The following PPARGC1A variants were observed in gnomAD, a reference collection of about 807,000 sequenced individuals.
PPARGC1A encodes PPARG coactivator 1 alpha.
A neutral mutation model predicts 88.7 loss-of-function variants in PPARGC1A; 25 were observed. The observed-to-expected ratio is 0.28, with a 90% CI of 0.21 to 0.39. The LOEUF (loss-of-function observed/expected upper bound fraction) is 0.39. Among genes scored for constraint, PPARGC1A ranks in the 10% least tolerant of loss-of-function variants. The pLI is 1.00. For missense variants in PPARGC1A, 880 were observed against 968.7 expected, an observed-to-expected ratio of 0.91 and a Z score of 1.22; for synonymous variants, 363 against 355.6, an observed-to-expected ratio of 1.02 and a Z score of -0.24.
intron 2 of PPARGC1A, among the ~76,000 whole-genome samples, chr4:23,840,780 T>G (rs1432686566): frequency 6.6e-6 from 1 of 152,172 alleles, no homozygotes; most frequent in Admixed American, 6.5e-5. Context: ...ATATGGATTT[T>G]CATTCTTCTT....
the PPARGC1A span, among the ~76,000 whole-genome samples, chr4:24,191,337 T>A: frequency 6.6e-6 from 1 of 152,084 alleles, no homozygotes; most frequent in Non-Finnish European, 1.5e-5. Flanking sequence ...TTAACTAGAG[T>A]CCTGCTGTGC....
chr4:24,429,841 G>A, the PPARGC1A span, among the ~76,000 whole-genome samples: 2 of 151,872 alleles, frequency 1.3e-5, no homozygotes, highest in African/African-American at 2.4e-5. Context: ...TGTAGAGATG[G>A]GGTTTCACCA....
At chr4:23,921,162 T>C in the PPARGC1A span, among the ~76,000 whole-genome samples, 1 of 151,980 alleles carries the variant, frequency 6.6e-6, no homozygotes, top group African/African-American at 2.4e-5. Flanking sequence ...TTCTGAGGAA[T>C]GGGGCTGACT....
chr4:24,453,962 A>G, the PPARGC1A span, among the ~76,000 whole-genome samples: 1 of 152,038 alleles, frequency 6.6e-6, no homozygotes, highest in Admixed American at 6.5e-5. Context: ...CAATAGAACA[A>G]AATAGAAGTG....
At chr4:24,247,480 T>A in the PPARGC1A span, among the ~76,000 whole-genome samples, 1 of 152,174 alleles carries the variant, frequency 6.6e-6, no homozygotes, top group South Asian at 2.1e-4. Flanking sequence ...CAGCTTATCA[T>A]CATTATGATG....
the PPARGC1A span, among the ~76,000 whole-genome samples, chr4:24,396,422 T>C: frequency 6.6e-6 from 1 of 152,122 alleles, no homozygotes; most frequent in Non-Finnish European, 1.5e-5. Context: ...ACTCGTGACC[T>C]TTATAGTCCA....
the PPARGC1A span, among the ~76,000 whole-genome samples, chr4:24,036,476 A>C: frequency 6.6e-6 from 1 of 152,190 alleles, no homozygotes; most frequent in Non-Finnish European, 1.5e-5. Flanking sequence ...ATGAACTCCA[A>C]ACTGGAAACA....
At chr4:23,858,620 C>T (rs1305940344) in intron 2 of PPARGC1A, among the ~76,000 whole-genome samples, 3 of 152,092 alleles carry the variant, frequency 2.0e-5, no homozygotes, top group African/African-American at 4.8e-5. Context: ...GAGATATGTC[C>T]CTCATTTGGT....
At chr4:24,314,510 T>C in the PPARGC1A span, among the ~76,000 whole-genome samples, 3 of 152,278 alleles carry the variant, frequency 2.0e-5, no homozygotes, top group African/African-American at 7.2e-5. Flanking sequence ...GCTCTTGGAC[T>C]TCCTAGCCTC....
chr4:24,089,464 A>G, the PPARGC1A span, among the ~76,000 whole-genome samples: 2 of 151,134 alleles, frequency 1.3e-5, no homozygotes, highest in Non-Finnish European at 3.0e-5. Flanking sequence ...CAAATCAGAG[A>G]CTAGACTAGG....
At chr4:24,470,945 A>G in the PPARGC1A span, among the ~76,000 whole-genome samples, 2 of 151,650 alleles carry the variant, frequency 1.3e-5, no homozygotes, top group African/African-American at 2.4e-5. This position sits in a 1 kb window ranked among gnomAD's most constrained non-coding sequence, Gnocchi z 5.8. Context: ...GGCGGCGGCG[A>G]ACATTTTTCG....
the PPARGC1A span, among the ~76,000 whole-genome samples, chr4:24,175,787 A>G: frequency 1.4e-4 from 22 of 152,122 alleles, no homozygotes; most frequent in African/African-American, 5.1e-4. Flanking sequence ...TTTTTAAAAA[A>G]TATTTTAATC....
At chr4:24,211,762 G>C in the PPARGC1A span, among the ~76,000 whole-genome samples, 2 of 152,172 alleles carry the variant, frequency 1.3e-5, no homozygotes, top group African/African-American at 4.8e-5. Context: ...ACTTCATAGA[G>C]ATGTTGTAAC....
intron 7 of PPARGC1A, among the ~76,000 whole-genome samples, chr4:23,821,189 C>T (rs1034906799): frequency 1.3e-5 from 2 of 152,116 alleles, no homozygotes; most frequent in African/African-American, 4.8e-5. Flanking sequence ...ATTCAGACTT[C>T]AGGAAAGAGA....
intron 7 of PPARGC1A, among the ~76,000 whole-genome samples, chr4:23,823,021 A>G (rs1723274458): frequency 6.6e-6 from 1 of 152,082 alleles, no homozygotes; most frequent in Non-Finnish European, 1.5e-5. Context: ...GTACCCCAAT[A>G]GACTAAACAG....
At chr4:24,459,005 T>C in the PPARGC1A span, among the ~76,000 whole-genome samples, 1 of 152,204 alleles carries the variant, frequency 6.6e-6, no homozygotes, top group Admixed American at 6.5e-5. Flanking sequence ...TCGATTTTTC[T>C]TCTTTTTTCA....
At chr4:23,871,709 G>T (rs1713408616) in intron 2 of PPARGC1A, among the ~76,000 whole-genome samples, 2 of 152,050 alleles carry the variant, frequency 1.3e-5, no homozygotes, top group African/African-American at 2.4e-5. Flanking sequence ...CTTCACATCT[G>T]AGCAAATGAG....
chr4:24,385,232 C>T, the PPARGC1A span, among the ~76,000 whole-genome samples: 5 of 152,060 alleles, frequency 3.3e-5, no homozygotes, highest in Non-Finnish European at 4.4e-5. Context: ...CTCTGGGGCA[C>T]CGCTAAAGCA....
intron 2 of PPARGC1A, among the ~76,000 whole-genome samples, chr4:23,846,893 A>C (rs954077339): frequency 1.3e-5 from 2 of 152,220 alleles, no homozygotes; most frequent in African/African-American, 4.8e-5. Flanking sequence ...GCTTATTTAC[A>C]AAAACAGGGC....
Sources: gnomAD v4.1 joint callset for allele counts (sites outside exome capture counted in the v4.1 genomes callset) on GRCh38, gnomAD v4.1.1 for gene constraint, Gnocchi (gnomAD v3.1) non-coding constraint, MANE v1.5 for transcripts, NCBI Gene and HGNC (gene_info 2026-07-23, HGNC 2026-07-21) for gene names.